The following ADAMTS3 variants were observed in gnomAD, a reference collection of about 807,000 sequenced individuals.
ADAMTS3 encodes A disintegrin and metalloproteinase with thrombospondin motifs 3.
In ADAMTS3, 73 loss-of-function variants were observed where a neutral mutation model predicts 129.0. The ratio of observed to expected loss-of-function variants is 0.57; its 90% CI spans 0.47 to 0.69. ADAMTS3 has a LOEUF of 0.69. Ranked by LOEUF, ADAMTS3 falls within the 30% of genes least tolerant of loss-of-function variation. ADAMTS3 has a pLI of 0.00. For synonymous variants in ADAMTS3, 477 were observed against 510.8 expected (o/e 0.93, Z 0.89); for missense variants, 1,457 against 1,514.5 (o/e 0.96, Z 0.63).
At chr4:72,472,137 A>G (rs1417336150) in intron 3 of ADAMTS3, among the ~76,000 whole-genome samples, 1 of 152,180 alleles carries the variant, frequency 6.6e-6, no homozygotes, top group Non-Finnish European at 1.5e-5. Flanking sequence ...AGGGCTTGAC[A>G]ATATAAATGA....
intron 21 of ADAMTS3, among the ~76,000 whole-genome samples, chr4:72,287,374 GAC>G (rs978712910): frequency 1.3e-5 from 2 of 151,576 alleles, no homozygotes; most frequent in African/African-American, 4.9e-5. Context: ...GAGATGGAGA[GAC>G]AGAGACAGAC....
chr4:72,524,658 G>T (rs12511787), intron 3 of ADAMTS3, among the ~76,000 whole-genome samples: 38,647 of 151,836 alleles, frequency 0.25, 5,078 homozygotes, highest in Middle Eastern at 0.34. Flanking sequence ...GACTAACTCC[G>T]GAGTCTGTTC....
intron 3 of ADAMTS3, among the ~76,000 whole-genome samples, chr4:72,539,897 CTCTT>C (rs1489957079): frequency 6.6e-6 from 1 of 152,150 alleles, no homozygotes; most frequent in Non-Finnish European, 1.5e-5. Context: ...CCAATTAAAC[CTCTT>C]TCTTTTGTAA....
chr4:72,429,282 C>G (rs1722640872), intron 3 of ADAMTS3, among the ~76,000 whole-genome samples: 1 of 152,014 alleles, frequency 6.6e-6, no homozygotes, highest in Non-Finnish European at 1.5e-5. Flanking sequence ...ACATAATAGT[C>G]ATCTGCTAAA....
intron 4 of ADAMTS3, among the ~76,000 whole-genome samples, chr4:72,407,570 T>C (rs1245002401): frequency 2.0e-5 from 3 of 152,052 alleles, no homozygotes; most frequent in Non-Finnish European, 2.9e-5. Flanking sequence ...AAAGAATACA[T>C]AGCAATTTGT....
At chr4:72,469,004 C>T (rs1718993576) in intron 3 of ADAMTS3, among the ~76,000 whole-genome samples, 1 of 151,976 alleles carries the variant, frequency 6.6e-6, no homozygotes, top group Admixed American at 6.6e-5. Flanking sequence ...ATGCAAGTTC[C>T]TATAGTACAT....
At chr4:72,512,088 GAGT>G (rs1284108903) in intron 3 of ADAMTS3, among the ~76,000 whole-genome samples, 1 of 152,174 alleles carries the variant, frequency 6.6e-6, no homozygotes, top group Non-Finnish European at 1.5e-5. Context: ...TAGATGTAGA[GAGT>G]AGAAGGATGG....
chr4:72,480,249 T>C (rs1719392590), intron 3 of ADAMTS3, among the ~76,000 whole-genome samples: 1 of 152,172 alleles, frequency 6.6e-6, no homozygotes, highest in Non-Finnish European at 1.5e-5. Context: ...TGCACACGTA[T>C]GTTTATTGTG....
chr4:72,309,046 C>G (rs922674528), intron 15 of ADAMTS3, among the ~76,000 whole-genome samples: 1 of 151,808 alleles, frequency 6.6e-6, no homozygotes, highest in Admixed American at 6.6e-5. Flanking sequence ...AATTTATATG[C>G]AACAAGAATT....
In ADAMTS3 at chr4:72,291,077, A is replaced by G. The variant is rs2109772032; in HGVS notation, c.2724-15T>C. ...CTGCTACCCAGCTGTGGGTGCGGGG[A>G]TTTAATATTGCAATTATCACTGGTA... On this transcript the variant is annotated splice_polypyrimidine_tract_variant and intron_variant, in intron 19 of 21. Transcript: ENST00000286657. 6.2e-7 allele frequency: 1 copy of G among 1,613,170 alleles called. No homozygotes were observed. The highest frequency in any genetic ancestry group is 8.5e-7 in the Non-Finnish European group (1 of 1,179,476).
chr4:72,281,810 A>G lies in ADAMTS3; in HGVS notation c.*1326T>C, dbSNP rs1718351349. 1 of 24,454 alleles carries G rather than the reference A, an allele frequency of 4.1e-5. No homozygotes were observed. The highest frequency in any genetic ancestry group is 3.9e-4 in the East Asian group (1 of 2,544). 1.5% of individuals were successfully genotyped at this position (24,454 alleles called of 1,614,324 possible). On this transcript the variant is annotated 3_prime_UTR_variant, in exon 22 of 22. Transcript: ENST00000286657. ...TAAATATTTAGTACATAAAAATACT[A>G]TCAAGAAAAAAAATCAACTTTTAAT...
chr4:72,519,040 C>A (rs1211782084), intron 3 of ADAMTS3, among the ~76,000 whole-genome samples: 1 of 150,570 alleles, frequency 6.6e-6, no homozygotes, highest in East Asian at 2.0e-4. Flanking sequence ...CTGGTGGTGA[C>A]AAAATCTCTC....
At position 72,473,308 on chromosome 4, in the gene ADAMTS3, A is replaced by G. The variant is rs1204469899; in HGVS notation, c.505-58337T>C. On this transcript the variant is annotated intron_variant, in intron 3 of 21. Coordinates refer to ENST00000286657, the MANE Select transcript of ADAMTS3 (RefSeq NM_014243.3). Reference sequence around the variant, plus strand: ...AGACTAGCTAAAGACCTCAAGATCCATGATGACATGCTGGGTTTTCTTTTT... The same window carrying G: ...AGACTAGCTAAAGACCTCAAGATCCGTGATGACATGCTGGGTTTTCTTTTT... Among the ~76,000 whole-genome samples, 4 of 152,242 alleles carry G rather than the reference A, an allele frequency of 2.6e-5. No individual in the cohort carries two copies. In the East Asian group the frequency reaches 7.7e-4, roughly 29 times the overall value.
chr4:72,542,264 A>G (rs1041042567), intron 3 of ADAMTS3, among the ~76,000 whole-genome samples: 6 of 152,130 alleles, frequency 3.9e-5, no homozygotes, highest in African/African-American at 1.4e-4. Flanking sequence ...TCCCAGGTTT[A>G]TGCCATTCTC....
intron 3 of ADAMTS3, among the ~76,000 whole-genome samples, chr4:72,545,380 C>A (rs1355513156): frequency 1.3e-5 from 2 of 152,110 alleles, no homozygotes; most frequent in Admixed American, 1.3e-4. Context: ...GCATACAACA[C>A]TAGGTACATT....
At chr4:72,565,467 C>T (rs938938) in intron 2 of ADAMTS3, among the ~76,000 whole-genome samples, 146,367 of 152,256 alleles carry the variant, frequency 0.96, 70,625 homozygotes, top group East Asian at 1. Flanking sequence ...CAAAACTAAT[C>T]ACTGTACATA....
rs7686470 is a variant in ADAMTS3, at chr4:72,319,402, A to G, written c.1282T>C (p.Leu428=). 9,412 of 1,613,920 alleles carry G rather than the reference A, an allele frequency of 5.8e-3. 461 individuals are homozygous for G. In the African/African-American group the frequency reaches 0.11, roughly 18 times the overall value. ...TAACGATGGAATGCTGCTTGTACCAAGGGAGCCATGACACTTCCCATAGCA... is the reference window on the plus strand; with the variant it reads ...TAACGATGGAATGCTGCTTGTACCAGGGGAGCCATGACACTTCCCATAGCA... ...ETAMGSVMAP[L]VQAAFHRYHW... is the part of the protein sequence containing the mutation. The change falls in exon 9 of 22, where the codon TTG becomes CTG. Residue 428 remains leucine, a synonymous_variant. Coordinates refer to ENST00000286657, the MANE Select transcript of ADAMTS3 (RefSeq NM_014243.3).
intron 3 of ADAMTS3, among the ~76,000 whole-genome samples, chr4:72,497,264 C>T (rs540233576): frequency 3.9e-5 from 6 of 152,140 alleles, no homozygotes; most frequent in Admixed American, 6.6e-5. Context: ...AATGCATATA[C>T]AGACACTACC....
Position 72,568,831 on chromosome 4 carries a change from C to CCCCCCCAA in ADAMTS3, c.-70_-69insTTGGGGGG. 8.5e-7 allele frequency: 1 copy of CCCCCCCAA among 1,177,372 alleles called. No individual in the cohort carries two copies. The highest frequency in any genetic ancestry group is 1.2e-6 in the Non-Finnish European group (1 of 829,352). 72.9% of individuals were successfully genotyped at this position (1,177,372 alleles called of 1,614,324 possible). A position where few individuals can be genotyped will look rare whatever the true frequency, so the allele number is the denominator to read the frequency against. On this transcript the variant is annotated 5_prime_UTR_variant, in exon 1 of 22. Coordinates refer to ENST00000286657, the MANE Select transcript of ADAMTS3 (RefSeq NM_014243.3). ...CCAGAGCAAACCCACCCCCCCCGCC[C>CCCCCCCAA]AAAATAAGTTTCTTTAAGAAAAAAA...
Sources: allele counts gnomAD v4.1 joint callset (sites outside exome capture counted in the v4.1 genomes callset), GRCh38; gene constraint gnomAD v4.1.1; transcripts MANE v1.5; gene names NCBI Gene and HGNC (gene_info 2026-07-23, HGNC 2026-07-21).